The following TCF7L1 variants were observed in gnomAD, a reference collection of about 807,000 sequenced individuals.
TCF7L1 encodes transcription factor 7 like 1.
TCF7L1 carries 18 observed loss-of-function variants against 63.7 expected under a neutral mutation model. The ratio of observed to expected loss-of-function variants is 0.28; its 90% CI spans 0.20 to 0.42. The LOEUF is 0.42. Ranked by LOEUF, TCF7L1 falls within the 10% of genes least tolerant of loss-of-function variation. The pLI is 1.00. For synonymous variants in TCF7L1, 355 were observed against 340.9 expected (o/e 1.04, Z -0.46); for missense variants, 654 against 779.3 (o/e 0.84, Z 1.91).
chr2:85,184,912 A>C (rs1263954911), intron 3 of TCF7L1, among the ~76,000 whole-genome samples: 3 of 151,652 alleles, frequency 2.0e-5, no homozygotes, highest in African/African-American at 7.3e-5. Context: ...CAAGGCAAAG[A>C]CTCTTAGCAG....
At chr2:85,251,581 A>T (rs1001971224) in intron 3 of TCF7L1, among the ~76,000 whole-genome samples, 1 of 152,156 alleles carries the variant, frequency 6.6e-6, no homozygotes, top group African/African-American at 2.4e-5. Flanking sequence ...CCTCTTCAGG[A>T]CAGAAGGGAC....
At chr2:85,297,254 C>G (rs1346064780) in intron 4 of TCF7L1, among the ~76,000 whole-genome samples, 1 of 152,196 alleles carries the variant, frequency 6.6e-6, no homozygotes, top group Non-Finnish European at 1.5e-5. Context: ...AAAGCACATT[C>G]CAGGTCCCAG....
intron 3 of TCF7L1, among the ~76,000 whole-genome samples, chr2:85,187,843 C>T (rs372474524): frequency 5.3e-4 from 81 of 152,294 alleles, no homozygotes; most frequent in African/African-American, 1.9e-3. Flanking sequence ...TGTGAATGTT[C>T]ATAACACCTT....
At chr2:85,285,840 C>T (rs962630216) in intron 4 of TCF7L1, among the ~76,000 whole-genome samples, 2 of 152,190 alleles carry the variant, frequency 1.3e-5, no homozygotes, top group Non-Finnish European at 2.9e-5. Context: ...GTCTTAGTTT[C>T]TCTCTGCATA....
At chr2:85,210,945 G>A (rs901906423) in intron 3 of TCF7L1, among the ~76,000 whole-genome samples, 7 of 152,272 alleles carry the variant, frequency 4.6e-5, no homozygotes, top group Admixed American at 3.3e-4. Context: ...GAACCTGCGC[G>A]AGGCACCACC....
chr2:85,183,297 C>G (rs1476515315), intron 3 of TCF7L1, among the ~76,000 whole-genome samples: 2 of 152,152 alleles, frequency 1.3e-5, no homozygotes, highest in African/African-American at 4.8e-5. Context: ...GAGGTCATTA[C>G]TAATGTATAA....
intron 3 of TCF7L1, among the ~76,000 whole-genome samples, chr2:85,164,540 G>C (rs375376528): frequency 6.6e-6 from 1 of 152,094 alleles, no homozygotes; most frequent in Non-Finnish European, 1.5e-5. Flanking sequence ...TTCCATTCCC[G>C]TAGCTATTCT....
intron 3 of TCF7L1, among the ~76,000 whole-genome samples, chr2:85,155,976 A>G (rs916446614): frequency 6.6e-6 from 1 of 152,212 alleles, no homozygotes; most frequent in African/African-American, 2.4e-5. Context: ...CTCAGTGAAG[A>G]TTATGATCTT....
At chr2:85,137,709 A>G (rs1368757219) in intron 3 of TCF7L1, among the ~76,000 whole-genome samples, 2 of 152,158 alleles carry the variant, frequency 1.3e-5, no homozygotes, top group African/African-American at 4.8e-5. Context: ...CCTGGCCAAC[A>G]TGGTGAAACC....
intron 3 of TCF7L1, among the ~76,000 whole-genome samples, chr2:85,178,982 G>A (rs1178273183): frequency 2.6e-5 from 4 of 152,180 alleles, no homozygotes; most frequent in Non-Finnish European, 5.9e-5. Context: ...TGAGAGGAGA[G>A]AAAGTAACTA....
At chr2:85,166,622 G>C (rs1678424195) in intron 3 of TCF7L1, among the ~76,000 whole-genome samples, 1 of 152,176 alleles carries the variant, frequency 6.6e-6, no homozygotes, top group Non-Finnish European at 1.5e-5. Flanking sequence ...AGTCAGATCG[G>C]ACATCACTGC....
At position 85,304,315 on chromosome 2, in the gene TCF7L1, C is replaced by T. The variant is rs764206448; in HGVS notation, c.822C>T (p.Leu274=). 19 of 1,614,000 alleles carry T rather than the reference C, an allele frequency of 1.2e-5. No individual in the cohort carries two copies. Among genetic ancestry groups the T allele is most frequent in the East Asian group, 4.5e-5 (2 of 44,900 alleles). ...GCTTCCGGCACCCTTACCCCGCCCT[C>T]GCCATGAACGCCTCGATGTCCAGGT... ...PGGFRHPYPA[L]AMNASMSSLV... is the part of the protein sequence containing the mutation. Residue 274 remains leucine, a synonymous_variant, in exon 7 of 12, where the codon CTC becomes CTT. Coordinates refer to ENST00000282111, the MANE Select transcript of TCF7L1 (RefSeq NM_031283.3).
chr2:85,238,924 GTTC>G (rs1462787236), intron 3 of TCF7L1, among the ~76,000 whole-genome samples: 1 of 151,794 alleles, frequency 6.6e-6, no homozygotes, highest in Non-Finnish European at 1.5e-5. Context: ...AGGTCAAGCA[GTTC>G]TTCTGCCTGA....
At chr2:85,242,069 C>T (rs1310402071) in intron 3 of TCF7L1, among the ~76,000 whole-genome samples, 1 of 151,968 alleles carries the variant, frequency 6.6e-6, no homozygotes, top group Non-Finnish European at 1.5e-5. Context: ...CTAAAAACAT[C>T]TGTAAGTCTA....
At chr2:85,304,210 C>G (rs369228939) in intron 6 of TCF7L1, 45 bp from the exon 7 acceptor site, 137 of 1,583,066 alleles carry the variant, frequency 8.7e-5, no homozygotes, top group Non-Finnish European at 1.1e-4. Flanking sequence ...CTTCCTCTGC[C>G]CTGAGCTTTC....
chr2:85,142,697 T>C (rs1341999092), intron 3 of TCF7L1, among the ~76,000 whole-genome samples: 1 of 152,112 alleles, frequency 6.6e-6, no homozygotes. Context: ...CCAAACCGGA[T>C]TAGATATAGT....
At chr2:85,264,897 G>A (rs1307679532) in intron 3 of TCF7L1, among the ~76,000 whole-genome samples, 3 of 152,206 alleles carry the variant, frequency 2.0e-5, no homozygotes, top group Admixed American at 2.0e-4. Context: ...AAACCATCAG[G>A]AAACTTGTGT....
At chr2:85,304,487 C>G (rs143996198) in intron 7 of TCF7L1, 149 bp downstream of exon 7, 2 of 714,960 alleles carry the variant, frequency 2.8e-6, no homozygotes, top group South Asian at 1.9e-5. Context: ...TCTCACGTCC[C>G]GCGCTCCCCA....
At chr2:85,275,924 A>AAG (rs1352436736) in intron 3 of TCF7L1, among the ~76,000 whole-genome samples, 6 of 151,636 alleles carry the variant, frequency 4.0e-5, no homozygotes, top group Non-Finnish European at 7.4e-5. Context: ...CATCTCAAAA[A>AAG]AAAAAAAAAA....
Sources: allele counts gnomAD v4.1 joint callset (sites outside exome capture counted in the v4.1 genomes callset), GRCh38; gene constraint gnomAD v4.1.1; transcripts MANE v1.5; gene names NCBI Gene and HGNC (gene_info 2026-07-23, HGNC 2026-07-21).